The following IRGM variants were observed in gnomAD, a reference collection of about 807,000 sequenced individuals.
The protein encoded by IRGM is immunity-related GTPase family M protein.
For synonymous variants in IRGM, 98 were observed against 80.6 expected, an observed-to-expected ratio of 1.22 and a Z score of -1.16; for missense variants, 288 against 219.9, an observed-to-expected ratio of 1.31 and a Z score of -1.96.
At chr5:150,854,094 T>C (rs994738810) in intron 1 of IRGM, among the ~76,000 whole-genome samples, 1 of 152,102 alleles carries the variant, frequency 6.6e-6, no homozygotes, top group Non-Finnish European at 1.5e-5. Context: ...TTGTGGATAT[T>C]TTCTTTGTGG....
chr5:150,872,435 C>A (rs909038798), intron 1 of IRGM, among the ~76,000 whole-genome samples: 2 of 152,176 alleles, frequency 1.3e-5, no homozygotes, highest in African/African-American at 4.8e-5. Flanking sequence ...TCCTCAGGAA[C>A]CACTCCCAAC....
At chr5:150,889,016 C>T (rs146214171) in intron 3 of IRGM, among the ~76,000 whole-genome samples, 1,594 of 152,048 alleles carry the variant, frequency 0.01, 28 homozygotes, top group African/African-American at 0.037. Context: ...TATTTAAATG[C>T]TATTGCAAGT....
intron 3 of IRGM, chr5:150,897,785 T>C (rs1377261901): frequency 7.5e-6 from 3 of 399,438 alleles, no homozygotes; most frequent in Non-Finnish European, 1.3e-5. Flanking sequence ...TCTGGGAATA[T>C]TGCCTTTTAA....
At chr5:150,897,880 A>T (rs1754849330) in intron 3 of IRGM, 1 of 644,756 alleles carries the variant, frequency 1.6e-6, no homozygotes, top group Non-Finnish European at 2.5e-6. Context: ...AAACATATAT[A>T]TATACACACA....
intron 3 of IRGM, chr5:150,896,958 AG>A (rs1258028909): frequency 1.2e-6 from 2 of 1,610,294 alleles, no homozygotes; most frequent in Non-Finnish European, 1.7e-6. Context: ...GGAGTTGTGA[AG>A]GTTACTCTTC....
chr5:150,861,324 A>G (rs768152078), intron 1 of IRGM, among the ~76,000 whole-genome samples: 2 of 152,236 alleles, frequency 1.3e-5, no homozygotes, highest in African/African-American at 2.4e-5. Context: ...CAGGACAATC[A>G]TACCTCTTCT....
chr5:150,849,693 G>C (rs141773404), downstream of IRGM, among the ~76,000 whole-genome samples: 3 of 143,214 alleles, frequency 2.1e-5, no homozygotes, highest in Admixed American at 7.4e-5. Context: ...TGCAACTTCC[G>C]CCTCCTGGGT....
chr5:150,877,263 G>C (rs1754378519), intron 1 of IRGM, among the ~76,000 whole-genome samples: 1 of 152,126 alleles, frequency 6.6e-6, no homozygotes, highest in African/African-American at 2.4e-5. Flanking sequence ...TAACATTTGA[G>C]TCAGTGGACT....
chr5:150,864,951 G>C lies in IRGM; in HGVS notation c.159-13029G>C, dbSNP rs113934128. On this transcript the variant is annotated intron_variant and NMD_transcript_variant, in intron 1 of 3. Coordinates refer to the IRGM transcript ENST00000520549. ...ATGCTTCATGAAAACCCCAGGACCA[G>C]AGTTATAAGGAGAAGGTGAAATAAA... Among the ~76,000 whole-genome samples the C allele has an allele frequency of 4.2e-3, 642 of 152,308 alleles. 3 individuals carry two copies. The highest frequency in any genetic ancestry group is 0.011 in the African/African-American group (447 of 41,580).
intron 1 of IRGM, among the ~76,000 whole-genome samples, chr5:150,871,867 T>C (rs966848197): frequency 3.3e-5 from 5 of 152,212 alleles, no homozygotes; most frequent in Admixed American, 1.3e-4. Flanking sequence ...CAGGATTAAG[T>C]GTGGGCTCTG....
intron 3 of IRGM, chr5:150,897,611 C>A: frequency 6.1e-6 from 1 of 162,950 alleles, no homozygotes. Context: ...TTGCCTTCAC[C>A]CTCCTCCTTC....
intron 3 of IRGM, chr5:150,897,743 G>C (rs1754845612): frequency 1.2e-5 from 4 of 324,542 alleles, no homozygotes; most frequent in Non-Finnish European, 2.2e-5. Flanking sequence ...AACAGTAACT[G>C]TATTTGACAT....
chr5:150,876,761 G>A (rs551739191), intron 1 of IRGM, among the ~76,000 whole-genome samples: 1 of 152,310 alleles, frequency 6.6e-6, no homozygotes, highest in South Asian at 2.1e-4. Flanking sequence ...ACCTGCTGAG[G>A]TGCTTGCTGA....
rs557429719 is a variant in IRGM at position 150,853,820 on chromosome 5, C to T, written c.158+5166C>T. On this transcript the variant is annotated intron_variant and NMD_transcript_variant, in intron 1 of 3. Coordinates refer to the IRGM transcript ENST00000520549. ...GGTATCCTGAGATCTATAGTGAATC[C>T]GTAAAGTATCTATAAAAACAACATA... Among the ~76,000 whole-genome samples the T allele has an allele frequency of 8.7e-4, 132 of 152,004 alleles. 1 individual carries two copies. The highest frequency in any genetic ancestry group is 6.0e-4 in the Non-Finnish European group (41 of 67,894).
chr5:150,868,692 T>C (rs956203249), intron 1 of IRGM, among the ~76,000 whole-genome samples: 4 of 152,100 alleles, frequency 2.6e-5, no homozygotes, highest in African/African-American at 9.7e-5. Flanking sequence ...TTTCACCTCC[T>C]TGGTTAGGTA....
At position 150,889,769 on chromosome 5, in the gene IRGM, CT is replaced by C. The variant is rs145055935; in HGVS notation, c.*140+10130del. 1.2e-3 allele frequency among the ~76,000 whole-genome samples: 186 copies of C among 152,032 alleles called. 2 individuals are homozygous for C. The highest frequency in any genetic ancestry group is 3.4e-3 in the African/African-American group (143 of 41,510). ...CTTTTTAGATGATTTTTGTCAAATA[CT>C]TTTTTTCATCTTTTGAGATAATATG... On this transcript the variant is annotated intron_variant and NMD_transcript_variant, in intron 3 of 3. Coordinates refer to the IRGM transcript ENST00000520549.
intron 1 of IRGM, among the ~76,000 whole-genome samples, chr5:150,870,558 G>T (rs902965288): frequency 6.7e-6 from 1 of 150,184 alleles, no homozygotes; most frequent in African/African-American, 2.5e-5. Flanking sequence ...CACAAGGAAG[G>T]CAAGCTCTTC....
At position 150,859,201 on chromosome 5, in the gene IRGM, T is replaced by G. The variant is rs746805937; in HGVS notation, c.158+10547T>G. Reference sequence around the variant, plus strand: ...TGAGATAATGATGTGGTTTTTGTCTTTGGTTCTGTTTATATGCTGGGTTAC... The same window carrying G: ...TGAGATAATGATGTGGTTTTTGTCTGTGGTTCTGTTTATATGCTGGGTTAC... On this transcript the variant is annotated intron_variant and NMD_transcript_variant, in intron 1 of 3. Transcript: ENST00000520549. Among the ~76,000 whole-genome samples the G allele has an allele frequency of 9.8e-4, 150 of 152,322 alleles. 4 individuals carry two copies. Among genetic ancestry groups the G allele is most frequent in the Non-Finnish European group, 2.8e-4 (19 of 68,026 alleles).
chr5:150,883,434 A>T (rs1171807518), intron 3 of IRGM, among the ~76,000 whole-genome samples: 1 of 151,788 alleles, frequency 6.6e-6, no homozygotes, highest in African/African-American at 2.4e-5. Flanking sequence ...TAGAAACAAG[A>T]CAAACAATAG....
Sources: allele counts gnomAD v4.1 joint callset (sites outside exome capture counted in the v4.1 genomes callset), GRCh38; gene constraint gnomAD v4.1.1; transcripts MANE v1.5; gene names NCBI Gene and HGNC (gene_info 2026-07-23, HGNC 2026-07-21).